Variants in LRP1 observed in about 807,000 individuals in gnomAD.
The protein encoded by LRP1 is LDL receptor related protein 1.
In LRP1, 51 loss-of-function variants were observed where a neutral mutation model predicts 541.5. The observed-to-expected ratio is 0.09, with a 90% CI of 0.08 to 0.12. LRP1 has a LOEUF of 0.12. Ranked by LOEUF, LRP1 falls within the 10% of genes least tolerant of loss-of-function variation. The pLI is 1.00. For synonymous variants in LRP1, 2,219 were observed against 2,470.8 expected (o/e 0.90, Z 3.02); for missense variants, 3,878 against 6,376.2 (o/e 0.61, Z 13.34).
chr12:57,129,336 G>A (rs964467033), intron 1 of LRP1, among the ~76,000 whole-genome samples: 7 of 152,012 alleles, frequency 4.6e-5, no homozygotes, highest in African/African-American at 1.7e-4. Flanking sequence ...ATCTCTGTTC[G>A]GGGAGGGCCT....
At position 57,173,176 on chromosome 12, in the gene LRP1, C is replaced by T. The variant is rs748528752; in HGVS notation, c.3172C>T (p.Pro1058Ser). The T allele has an allele frequency of 1.2e-6, 2 of 1,602,640 alleles. No homozygotes were observed. Among genetic ancestry groups the T allele is most frequent in the Admixed American group, 1.7e-5 (1 of 59,718 alleles). The change falls in exon 21 of 89, where the codon CCC becomes TCC. Residue 1058 changes from proline (P) to serine (S), a missense_variant. Transcript: ENST00000243077. This position sits in a 1 kb window ranked among gnomAD's most constrained non-coding sequence, Gnocchi z 4.7. ...CCACTGTCCCTCTGCAGCCACGAGG[C>T]CCCCTGGTGGCTGCCACACTGATGA... ...HANCTNQATRPPGGCHTDEFQ... is the reference protein window; with the variant it reads ...HANCTNQATRSPGGCHTDEFQ...
At chr12:57,207,242 C>CTAAATAAATAAA (rs60649994) in intron 76 of LRP1, among the ~76,000 whole-genome samples, 101 of 134,540 alleles carry the variant, frequency 7.5e-4, no homozygotes, top group Middle Eastern at 3.7e-3. Flanking sequence ...GACTCGGTCT[C>CTAAATAAATAAA]TAAATAAATA....
chr12:57,177,269 C>G lies in LRP1; in HGVS notation c.4196+24C>G. The stretch of plus-strand genomic sequence containing the variant: ...GGGTGAGGACCTTGCCCAGCCTTCT[C>G]CTGGCCCCATGGCCCCCCTGAAGTC... On this transcript the variant is annotated intron_variant, in intron 25 of 88. Transcript: ENST00000243077. This position sits in a 1 kb window ranked among gnomAD's most constrained non-coding sequence, Gnocchi z 6.8. 5.6e-6 allele frequency: 9 copies of G among 1,610,292 alleles called. No individual in the cohort carries two copies. The highest frequency in any genetic ancestry group is 7.6e-6 in the Non-Finnish European group (9 of 1,177,084).
At chr12:57,163,663 G>A (rs191335088) in intron 15 of LRP1, among the ~76,000 whole-genome samples, 148 of 152,146 alleles carry the variant, frequency 9.7e-4, no homozygotes, top group African/African-American at 3.4e-3. Context: ...AATCCCACCA[G>A]TGAGCACCAT....
At chr12:57,210,503 G>T (rs775332262) in intron 82 of LRP1, 23 bp downstream of exon 82, 3 of 1,518,718 alleles carry the variant, frequency 2.0e-6, no homozygotes, top group South Asian at 1.3e-5. Context: ...ATCCCGCCAC[G>T]CCTGCTCCTT....
intron 64 of LRP1, 23 bp downstream of exon 64, chr12:57,200,838 T>TTCCCCCCC: frequency 1.6e-6 from 1 of 630,300 alleles, no homozygotes; most frequent in Non-Finnish European, 2.2e-6. Context: ...CCGCCCACCC[T>TTCCCCCCC]CCCTCCTTCC....
At position 57,185,343 on chromosome 12, in the gene LRP1, C is replaced by A; in HGVS notation, c.6463+138C>A. On this transcript the variant is annotated intron_variant, in intron 40 of 88. Coordinates refer to ENST00000243077, the MANE Select transcript of LRP1 (RefSeq NM_002332.3). This position sits in a 1 kb window ranked among gnomAD's most constrained non-coding sequence, Gnocchi z 4.9. Reference sequence around the variant, plus strand: ...GCAACTTCCGATGGCCCGAGAGACCCAGGGATGGGGAGGAAAGGCTGAGGT... The same window carrying A: ...GCAACTTCCGATGGCCCGAGAGACCAAGGGATGGGGAGGAAAGGCTGAGGT... The A allele has an allele frequency of 1.4e-6, 2 of 1,394,220 alleles. No homozygotes were observed. The highest frequency in any genetic ancestry group is 9.7e-7 in the Non-Finnish European group (1 of 1,025,872). 86.4% of individuals were successfully genotyped at this position (1,394,220 alleles called of 1,614,324 possible). A position where few individuals can be genotyped will look rare whatever the true frequency, so the allele number is the denominator to read the frequency against.
chr12:57,141,273 A>T (rs1313387266), intron 2 of LRP1, 101 bp from the exon 3 acceptor site: 3 of 1,419,116 alleles, frequency 2.1e-6, no homozygotes, highest in Non-Finnish European at 2.9e-6. Flanking sequence ...GCCTCCTGAG[A>T]TCTGAAACCC....
chr12:57,167,690 G>C (rs967576550), intron 19 of LRP1, among the ~76,000 whole-genome samples, 166 bp downstream of exon 19: 1 of 152,212 alleles, frequency 6.6e-6, no homozygotes, highest in African/African-American at 2.4e-5. Flanking sequence ...GAAATGCCTG[G>C]AGGGAGCCAC....
rs1480605289 is a variant in LRP1 at position 57,189,007 on chromosome 12, G to T, written c.7031+1551G>T. 6.6e-6 allele frequency among the ~76,000 whole-genome samples: 1 copy of T among 152,212 alleles called. No individual in the cohort carries two copies. Among genetic ancestry groups the T allele is most frequent in the Non-Finnish European group, 1.5e-5 (1 of 68,050 alleles). On this transcript the variant is annotated intron_variant, in intron 42 of 88. Transcript: ENST00000243077. The surrounding 1 kb of genome is among the most constrained non-coding windows in gnomAD (Gnocchi z 4.4). ...AGTGTGGACCCCAGTGGAGAGGGCA[G>T]GGGCAAGTGGAGACTCCAACAACCC...
At position 57,204,665 on chromosome 12, in the gene LRP1, A is replaced by C; in HGVS notation, c.11110A>C (p.Lys3704Gln). ...CCCTCCCAACCGGCCCTTCCGTTGCAAGAATGACCGCGTCTGTCTGTGGAT... is the reference window on the plus strand; with the variant it reads ...CCCTCCCAACCGGCCCTTCCGTTGCCAGAATGACCGCGTCTGTCTGTGGAT... ...VCPPNRPFRCKNDRVCLWIGR... is the reference protein window; with the variant it reads ...VCPPNRPFRCQNDRVCLWIGR... The change falls in exon 72 of 89, where the codon AAG (lysine) becomes CAG (glutamine). Residue 3704 changes from lysine (K) to glutamine (Q), a missense_variant. Transcript: ENST00000243077. The surrounding 1 kb of genome is among the most constrained non-coding windows in gnomAD (Gnocchi z 5.3). 6.2e-7 allele frequency: 1 copy of C among 1,613,998 alleles called. No individual in the cohort carries two copies. The highest frequency in any genetic ancestry group is 1.1e-5 in the South Asian group (1 of 91,078).
rs1190960193 is a variant in LRP1, at chr12:57,178,575, G to A, written c.4578G>A (p.Gln1526=). 6.2e-7 allele frequency: 1 copy of A among 1,614,116 alleles called. No individual in the cohort carries two copies. Among genetic ancestry groups the A allele is most frequent in the African/African-American group, 1.3e-5 (1 of 74,944 alleles). ...QRTNTQPFDL[Q]VYHPSRQPMA... ...CCAACACCCAGCCCTTTGACCTGCA[G>A]GTGTACCACCCCTCCCGCCAGCCCA... The change falls in exon 27 of 89, where the codon CAG becomes CAA. Residue 1526 remains glutamine, a synonymous_variant. Transcript: ENST00000243077. This position sits in a 1 kb window ranked among gnomAD's most constrained non-coding sequence, Gnocchi z 5.8.
rs564564960 is a variant in LRP1 at position 57,181,235 on chromosome 12, G to A, written c.5606G>A (p.Arg1869His). 141 of 1,613,630 alleles carry A rather than the reference G, an allele frequency of 8.7e-5. 1 individual carries two copies. In the South Asian group the frequency reaches 9.2e-4, roughly 11 times the overall value. Residue 1869 changes from arginine (R) to histidine (H), a missense_variant, in exon 34 of 89, where the codon CGC becomes CAC. Physicochemically the swap from Arg to His is conservative, Grantham distance 29. This residue lies in a region of LRP1 where 394 missense variants were observed against 635.9 expected (regional missense o/e 0.62). Transcript: ENST00000243077. ...TGCCTGCCCACGTCAGAGACGACCC[G>A]CTCCTGCATGTGCACAGCCGGCTAT... is the stretch of plus-strand genomic sequence containing the variant. ...QLCLPTSETT[R>H]SCMCTAGYSL...
intron 15 of LRP1, 124 bp downstream of exon 15, chr12:57,163,107 G>T: frequency 7.3e-7 from 1 of 1,364,820 alleles, no homozygotes; most frequent in Non-Finnish European, 9.7e-7. Context: ...GCCCTTAGGG[G>T]GCCAACAGGA....
intron 64 of LRP1, 38 bp from the exon 65 acceptor site, chr12:57,200,996 C>T: frequency 1.2e-6 from 2 of 1,613,752 alleles, no homozygotes; most frequent in Non-Finnish European, 1.7e-6. Context: ...CCCCTGAGTC[C>T]TCCCTTCGCC....
chr12:57,143,831 G>C lies in LRP1; in HGVS notation c.448+33G>C, dbSNP rs766120539. ...AGTGCATGTGCCTGTGTGCATGTGT[G>C]TGTGCCAGTAGCCAGTTGAGGTGGG... On this transcript the variant is annotated intron_variant, in intron 4 of 88. Transcript: ENST00000243077. 5.7e-6 allele frequency: 9 copies of C among 1,592,064 alleles called. No individual in the cohort carries two copies. In the East Asian group the frequency reaches 1.4e-4, roughly 24 times the overall value.
At chr12:57,159,702 A>G (rs2035689574) in intron 11 of LRP1, 123 bp from the exon 12 acceptor site, 2 of 871,538 alleles carry the variant, frequency 2.3e-6, no homozygotes, top group African/African-American at 1.7e-5. Context: ...AGGGCCCCAG[A>G]GGGTCCCTGC....
Position 57,212,066 on chromosome 12 carries a change from A to G in LRP1, c.13349+49A>G. On this transcript the variant is annotated intron_variant, in intron 87 of 88. Coordinates refer to ENST00000243077, the MANE Select transcript of LRP1 (RefSeq NM_002332.3). The surrounding 1 kb of genome is among the most constrained non-coding windows in gnomAD (Gnocchi z 5.0). ...ATTCTGGTCATTATTTTGCCATCCT[A>G]GCCTTCCCCCCCAATAATCTCTGTC... 6.2e-7 allele frequency: 1 copy of G among 1,613,266 alleles called. No homozygotes were observed. The highest frequency in any genetic ancestry group is 8.5e-7 in the Non-Finnish European group (1 of 1,179,478).
At chr12:57,135,879 G>A (rs531861730) in intron 1 of LRP1, among the ~76,000 whole-genome samples, 1 of 152,276 alleles carries the variant, frequency 6.6e-6, no homozygotes, top group Non-Finnish European at 1.5e-5. Context: ...GGGGCACCAT[G>A]GCTGGGATGT....
Sources: gnomAD v4.1 joint callset for allele counts (sites outside exome capture counted in the v4.1 genomes callset) on GRCh38, gnomAD v4.1.1 for gene constraint, gnomAD v4.1.1 regional missense constraint, Gnocchi (gnomAD v3.1) non-coding constraint, MANE v1.5 for transcripts, NCBI Gene and HGNC (gene_info 2026-07-23, HGNC 2026-07-21) for gene names.